The following ST18 variants were observed in gnomAD, a reference collection of about 807,000 sequenced individuals.
The protein encoded by ST18 is suppression of tumorigenicity 18 protein.
A neutral mutation model predicts 110.0 loss-of-function variants in ST18; 50 were observed. The ratio of observed to expected loss-of-function variants is 0.45; its 90% CI spans 0.36 to 0.58. ST18 has a LOEUF of 0.58. Among genes scored for constraint, ST18 ranks in the 20% least tolerant of loss-of-function variants. ST18 has a pLI of 0.00. For synonymous variants in ST18, 461 were observed against 452.4 expected (o/e 1.02, Z -0.24); for missense variants, 1,306 against 1,280.1 (o/e 1.02, Z -0.31).
chr8:52,226,823 T>C (rs915020827), intron 3 of ST18, among the ~76,000 whole-genome samples: 10 of 152,220 alleles, frequency 6.6e-5, no homozygotes, highest in African/African-American at 2.4e-4. Flanking sequence ...AAAGAGAATT[T>C]TCTCTATTTA....
chr8:52,243,826 G>T lies in ST18; in HGVS notation c.-464-13749C>A, dbSNP rs536146231. ...TTTGCCAAACCCTGACATATTTCTT[G>T]TCAATGATTTTCCGCAGGGTGATGG... On this transcript the variant is annotated intron_variant, in intron 2 of 25. Transcript: ENST00000689386. Among the ~76,000 whole-genome samples, 20 of 152,108 alleles carry T rather than the reference G, an allele frequency of 1.3e-4. No individual in the cohort carries two copies. The East Asian group carries it at 3.5e-3, about 26-fold the overall frequency.
intron 2 of ST18, among the ~76,000 whole-genome samples, chr8:52,386,095 T>A (rs1473960992): frequency 6.6e-6 from 1 of 152,198 alleles, no homozygotes; most frequent in Non-Finnish European, 1.5e-5. Context: ...ATTGTCTCCT[T>A]CATCACAGGA....
rs1235107451 is a variant in ST18, at chr8:52,178,638, AAAAAAC to A, written c.277+1478_277+1483del. On this transcript the variant is annotated intron_variant, in intron 9 of 25. Coordinates refer to ENST00000689386, the MANE Select transcript of ST18 (RefSeq NM_001352837.2). ...TCAAAAAAAAAAAAAAAAAAAAAAA[AAAAAAC>A]CACCAAAAACCAAAATAAAACAAAC... Among the ~76,000 whole-genome samples, 198 of 132,424 alleles carry A rather than the reference AAAAAAC, an allele frequency of 1.5e-3. 56 individuals carry two copies. Among genetic ancestry groups the A allele is most frequent in the Non-Finnish European group, 2.2e-3 (141 of 64,992 alleles). 86.9% of individuals were successfully genotyped at this position (132,424 alleles called of 152,430 possible). A position where few individuals can be genotyped will look rare whatever the true frequency, so the allele number is the denominator to read the frequency against.
chr8:52,118,415 G>T lies in ST18; in HGVS notation c.2782C>A (p.His928Asn). Residue 928 changes from histidine (H) to asparagine (N), a missense_variant, in exon 24 of 26, where the codon CAT (histidine) becomes AAT (asparagine). By Grantham distance (68) the His-to-Asn change is moderately conservative. Transcript: ENST00000689386. ...GGIESDEEIR[H>N]LDEEIKELNE... Reference sequence around the variant, plus strand: ...AGTTCCTTTATTTCTTCATCCAAATGCCTAATTTCTTCATCACTCTCTATT... The same window carrying T: ...AGTTCCTTTATTTCTTCATCCAAATTCCTAATTTCTTCATCACTCTCTATT... The T allele has an allele frequency of 6.2e-7, 1 of 1,610,306 alleles. No individual in the cohort carries two copies. The highest frequency in any genetic ancestry group is 8.5e-7 in the Non-Finnish European group (1 of 1,178,140).
At position 52,214,219 on chromosome 8, in the gene ST18, G is replaced by A. The variant is rs763996229; in HGVS notation, c.39C>T (p.Arg13=). The change falls in exon 7 of 26, where the codon CGC becomes CGT. Residue 13 remains arginine, a synonymous_variant. Coordinates refer to ENST00000689386, the MANE Select transcript of ST18 (RefSeq NM_001352837.2). ...CTAACTCACCCTCGGTTCCTTTAGAGCGAGTACGCAGCGTTTTATCTTCAG... is the reference window on the plus strand; with the variant it reads ...CTAACTCACCCTCGGTTCCTTTAGAACGAGTACGCAGCGTTTTATCTTCAG... ...AEAEDKTLRT[R]SKGTEVPMDS... The A allele has an allele frequency of 1.9e-6, 3 of 1,614,086 alleles. 1 individual carries two copies. The Admixed American group carries it at 5.0e-5, about 27-fold the overall frequency.
intron 2 of ST18, among the ~76,000 whole-genome samples, chr8:52,241,339 G>T (rs184591233): frequency 3.9e-4 from 59 of 152,296 alleles, no homozygotes; most frequent in African/African-American, 1.4e-3. Flanking sequence ...AAACAAAGGT[G>T]GTCATTCTAT....
chr8:52,380,823 G>A (rs764221249), intron 2 of ST18, among the ~76,000 whole-genome samples: 5 of 152,144 alleles, frequency 3.3e-5, no homozygotes, highest in Non-Finnish European at 5.9e-5. Context: ...GAGAGAATCA[G>A]CATTCAATCA....
intron 23 of ST18, among the ~76,000 whole-genome samples, chr8:52,125,474 T>C (rs1025768670): frequency 6.6e-6 from 1 of 152,068 alleles, no homozygotes; most frequent in African/African-American, 2.4e-5. Flanking sequence ...CTTCCACTAG[T>C]GTATCTTTGT....
chr8:52,117,070 A>G (rs896395731), intron 24 of ST18, among the ~76,000 whole-genome samples: 10 of 152,178 alleles, frequency 6.6e-5, no homozygotes, highest in Non-Finnish European at 1.5e-4. Flanking sequence ...CACATTCAGA[A>G]TAAAAACCAA....
intron 10 of ST18, among the ~76,000 whole-genome samples, chr8:52,168,134 T>C (rs567848362): frequency 2.3e-4 from 35 of 150,782 alleles, no homozygotes; most frequent in African/African-American, 8.6e-4. Flanking sequence ...CCCACGGCAC[T>C]TGGGGCACGG....
chr8:52,236,627 A>C (rs2092719025), intron 2 of ST18, among the ~76,000 whole-genome samples: 2 of 151,898 alleles, frequency 1.3e-5, no homozygotes, highest in African/African-American at 2.4e-5. Context: ...AAAAAAAAAA[A>C]AAACTATATC....
At chr8:52,331,835 A>C (rs1809566674) in intron 2 of ST18, among the ~76,000 whole-genome samples, 2 of 152,148 alleles carry the variant, frequency 1.3e-5, no homozygotes, top group South Asian at 4.1e-4. Flanking sequence ...AATAATTGAT[A>C]ATTGGAGCCA....
intron 2 of ST18, among the ~76,000 whole-genome samples, chr8:52,336,981 C>T (rs1217309375): frequency 6.6e-6 from 1 of 152,186 alleles, no homozygotes; most frequent in African/African-American, 2.4e-5. Flanking sequence ...AAACCATCTA[C>T]CTTCATTGTG....
intron 2 of ST18, among the ~76,000 whole-genome samples, chr8:52,377,694 G>A (rs1275836241): frequency 6.6e-6 from 1 of 152,164 alleles, no homozygotes; most frequent in African/African-American, 2.4e-5. Flanking sequence ...ACAGTGTGGA[G>A]GTTCTTCAAA....
At chr8:52,294,566 G>C (rs2095603337) in intron 2 of ST18, 1 of 152,276 alleles carries the variant, frequency 6.6e-6, no homozygotes, top group Admixed American at 6.5e-5. Flanking sequence ...AAACTGGTAG[G>C]CAGGGATCTG....
At chr8:52,195,642 C>T (rs1278805513) in intron 8 of ST18, among the ~76,000 whole-genome samples, 1 of 152,036 alleles carries the variant, frequency 6.6e-6, no homozygotes, top group African/African-American at 2.4e-5. Context: ...TGGATAAGTA[C>T]TGGGTTTTAT....
intron 18 of ST18, 141 bp downstream of exon 18, chr8:52,137,280 A>T: frequency 1.2e-6 from 1 of 811,868 alleles, no homozygotes; most frequent in Non-Finnish European, 1.9e-6. Context: ...ACATAATTTT[A>T]TTTCTGAAAA....
chr8:52,374,440 A>G (rs1831408900), intron 2 of ST18, among the ~76,000 whole-genome samples: 1 of 152,192 alleles, frequency 6.6e-6, no homozygotes, highest in Non-Finnish European at 1.5e-5. Flanking sequence ...CCCTGCTGGC[A>G]TCTTGATATC....
intron 15 of ST18, among the ~76,000 whole-genome samples, chr8:52,153,207 T>G (rs1296529421): frequency 6.6e-6 from 1 of 152,242 alleles, no homozygotes; most frequent in Non-Finnish European, 1.5e-5. Flanking sequence ...TTGTGAAAAT[T>G]ATTAATTTTC....
Sources: gnomAD v4.1 joint callset for allele counts (sites outside exome capture counted in the v4.1 genomes callset) on GRCh38, gnomAD v4.1.1 for gene constraint, MANE v1.5 for transcripts, NCBI Gene and HGNC (gene_info 2026-07-23, HGNC 2026-07-21) for gene names.